SLC13A2: variants seen among roughly 807,000 people sequenced by gnomAD.
SLC13A2 encodes the protein Na(+)-coupled citrate transporter.
A neutral mutation model predicts 58.5 loss-of-function variants in SLC13A2; 40 were observed. That is an observed-to-expected ratio of 0.68 (90% CI 0.53 to 0.89). The LOEUF is 0.89. Ranked by LOEUF, SLC13A2 falls within the 40% of genes least tolerant of loss-of-function variation. SLC13A2 has a pLI of 0.00. For missense variants in SLC13A2, 694 were observed against 772.6 expected (o/e 0.90, Z 1.21); for synonymous variants, 341 against 331.6 (o/e 1.03, Z -0.31).
chr17:28,480,176 CA>C (rs1193449693), intron 1 of SLC13A2, among the ~76,000 whole-genome samples: 1 of 146,554 alleles, frequency 6.8e-6, no homozygotes. Flanking sequence ...AAGGGGGGGT[CA>C]AAAAAATTAG....
In SLC13A2 at chr17:28,496,615, C is replaced by T. The variant is rs782548807; in HGVS notation, c.1608+28C>T. The T allele has an allele frequency of 3.8e-6, 6 of 1,597,056 alleles. No homozygotes were observed. The highest frequency in any genetic ancestry group is 1.7e-5 in the Admixed American group (1 of 58,904). ...AAGTGGCAGGGAGGCCTGAATGCCT[C>T]ATCCCTCCTTCCTGCTCTGACTTTT... On this transcript the variant is annotated intron_variant, in intron 11 of 11. Coordinates refer to ENST00000314669, the MANE Select transcript of SLC13A2 (RefSeq NM_003984.4). The surrounding 1 kb of genome is among the most constrained non-coding windows in gnomAD (Gnocchi z 4.2).
rs1555604052 is a variant in SLC13A2 at position 28,493,796 on chromosome 17, GT to G, written c.1097+9del. The G allele has an allele frequency of 6.2e-7, 1 of 1,613,874 alleles. No homozygotes were observed. Among genetic ancestry groups the G allele is most frequent in the Non-Finnish European group, 8.5e-7 (1 of 1,179,950 alleles). On this transcript the variant is annotated splice_region_variant and intron_variant, in intron 7 of 11. Transcript: ENST00000314669. Reference sequence around the variant, plus strand: ...CCAATGCCAAGGGGGAGAGGTGAGAGTTGCAGGGGTTGGGAGGAGGACACAT... The same window carrying G: ...CCAATGCCAAGGGGGAGAGGTGAGAGTGCAGGGGTTGGGAGGAGGACACAT...
At chr17:28,482,762 C>A (rs1479606249) in intron 1 of SLC13A2, among the ~76,000 whole-genome samples, 1 of 152,180 alleles carries the variant, frequency 6.6e-6, no homozygotes, top group Non-Finnish European at 1.5e-5. Context: ...TCACCCCAAC[C>A]CCCTTTGCCC....
chr17:28,473,777 T>C lies in SLC13A2; in HGVS notation c.65T>C (p.Ile22Thr). 1 of 1,614,180 alleles carries C rather than the reference T, an allele frequency of 6.2e-7. No individual in the cohort carries two copies. The highest frequency in any genetic ancestry group is 8.5e-7 in the Non-Finnish European group (1 of 1,180,016). The change falls in exon 1 of 12, where the codon ATT becomes ACT. Residue 22 changes from isoleucine to threonine, a missense_variant. By Grantham distance (89) the Ile-to-Thr change is moderately conservative. Transcript: ENST00000314669. ...TACCTGATCGTGTTCTTCGTGCCCA[T>C]TCTCCTGCTGCCTCTGCCCATCCTC... ...RSYLIVFFVPILLLPLPILVP... is the reference protein window; with the variant it reads ...RSYLIVFFVPTLLLPLPILVP...
intron 6 of SLC13A2, among the ~76,000 whole-genome samples, chr17:28,492,973 A>G (rs2069057972): frequency 6.6e-6 from 1 of 152,260 alleles, no homozygotes. Flanking sequence ...AGGTGGTAGT[A>G]GAAGAGGTCA....
At chr17:28,473,908 T>C in intron 1 of SLC13A2, 94 bp downstream of exon 1, 1 of 975,570 alleles carries the variant, frequency 1.0e-6, no homozygotes, top group Non-Finnish European at 1.6e-6. Context: ...CCAGCATAAC[T>C]TCCTCACTGC....
intron 9 of SLC13A2, among the ~76,000 whole-genome samples, 169 bp from the exon 10 acceptor site, chr17:28,495,486 G>A (rs782776904): frequency 6.6e-6 from 1 of 152,186 alleles, no homozygotes; most frequent in Non-Finnish European, 1.5e-5. Context: ...TCAAGAGCAG[G>A]AAAGGGCACC....
At chr17:28,478,917 G>A (rs1271384490) in intron 1 of SLC13A2, among the ~76,000 whole-genome samples, 3 of 152,160 alleles carry the variant, frequency 2.0e-5, no homozygotes, top group African/African-American at 7.2e-5. Context: ...CACAGCCTGG[G>A]GAGGGCTGCT....
chr17:28,481,388 G>T (rs1299331943), intron 1 of SLC13A2, among the ~76,000 whole-genome samples: 2 of 152,222 alleles, frequency 1.3e-5, no homozygotes, highest in Non-Finnish European at 2.9e-5. Flanking sequence ...GCAAAGGGTA[G>T]GAAGAGTCAC....
At chr17:28,486,791 CTTTTT>C (rs35840529) in intron 1 of SLC13A2, among the ~76,000 whole-genome samples, 3 of 131,188 alleles carry the variant, frequency 2.3e-5, no homozygotes, top group Non-Finnish European at 1.6e-5. Flanking sequence ...GCGAGTCTGA[CTTTTT>C]TTTTTTTTTT....
chr17:28,475,209 TCACA>T (rs2068650552), intron 1 of SLC13A2, among the ~76,000 whole-genome samples: 2 of 152,168 alleles, frequency 1.3e-5, no homozygotes, highest in Non-Finnish European at 2.9e-5. Context: ...CTTGCCCAGG[TCACA>T]CAGGAAATCC....
At chr17:28,495,191 G>A in intron 9 of SLC13A2, among the ~76,000 whole-genome samples, 1 of 152,202 alleles carries the variant, frequency 6.6e-6, no homozygotes, top group East Asian at 1.9e-4. Context: ...TTCTGACCCT[G>A]TGGACTGTCC....
chr17:28,473,710 A>G lies in SLC13A2; in HGVS notation c.-3A>G, dbSNP rs1555599362. The G allele has an allele frequency of 6.2e-7, 1 of 1,613,470 alleles. No individual in the cohort carries two copies. Among genetic ancestry groups the G allele is most frequent in the African/African-American group, 1.3e-5 (1 of 74,894 alleles). ...GCTGTAGCAGCCCTTGCTGCTCCACACCATGGCCACCTGCTGGCAGGCCCT... is the reference window on the plus strand; with the variant it reads ...GCTGTAGCAGCCCTTGCTGCTCCACGCCATGGCCACCTGCTGGCAGGCCCT... On this transcript the variant is annotated 5_prime_UTR_variant, in exon 1 of 12. Transcript: ENST00000314669.
chr17:28,478,281 G>A (rs1005720667), intron 1 of SLC13A2, among the ~76,000 whole-genome samples: 2 of 152,204 alleles, frequency 1.3e-5, no homozygotes, highest in South Asian at 4.1e-4. Flanking sequence ...CCTTTCTCAT[G>A]TCCGTCCAGC....
At position 28,496,539 on chromosome 17, in the gene SLC13A2, G is replaced by A. The variant is rs144798403; in HGVS notation, c.1560G>A (p.Pro520=). The A allele has an allele frequency of 2.9e-4, 470 of 1,613,318 alleles. 3 individuals are homozygous for A. The highest frequency in any genetic ancestry group is 8.1e-4 in the South Asian group (74 of 90,934). The change falls in exon 11 of 12, where the codon CCG becomes CCA. Residue 520 remains proline, a synonymous_variant. Transcript: ENST00000314669. The surrounding 1 kb of genome is among the most constrained non-coding windows in gnomAD (Gnocchi z 4.2). ...SLAFMLPVAT[P]PNAIVFSFGD... ...CCTTCATGTTGCCTGTGGCCACCCC[G>A]CCCAATGCCATCGTCTTCTCTTTCG... is the stretch of plus-strand genomic sequence containing the variant.
chr17:28,490,681 G>A lies in SLC13A2; in HGVS notation c.369-20G>A. Reference sequence around the variant, plus strand: ...TGAAGGGAAGCTGGAACAGCAGTGTGTCTGTCTGCCCATCCCTAGGCTAAT... The same window carrying A: ...TGAAGGGAAGCTGGAACAGCAGTGTATCTGTCTGCCCATCCCTAGGCTAAT... On this transcript the variant is annotated intron_variant, in intron 3 of 11. Transcript: ENST00000314669. 3.1e-6 allele frequency: 5 copies of A among 1,603,778 alleles called. No homozygotes were observed. The highest frequency in any genetic ancestry group is 4.3e-6 in the Non-Finnish European group (5 of 1,172,324).
intron 7 of SLC13A2, 60 bp from the exon 8 acceptor site, chr17:28,493,957 G>A (rs1401917246): frequency 3.2e-6 from 5 of 1,546,358 alleles, no homozygotes; most frequent in Non-Finnish European, 3.6e-6. Flanking sequence ...CCTCCACCCT[G>A]TGGCCCTGAG....
At chr17:28,487,909 T>C (rs943666576) in intron 1 of SLC13A2, among the ~76,000 whole-genome samples, 4 of 152,180 alleles carry the variant, frequency 2.6e-5, no homozygotes, top group Non-Finnish European at 5.9e-5. Flanking sequence ...GGGGCACCAT[T>C]CACACAGACT....
chr17:28,493,868 A>G, intron 7 of SLC13A2, 79 bp downstream of exon 7: 1 of 1,531,916 alleles, frequency 6.5e-7, no homozygotes, highest in Admixed American at 1.7e-5. Context: ...TAGGGCCCCC[A>G]TTGCAGAACA....
Sources: allele counts gnomAD v4.1 joint callset (sites outside exome capture counted in the v4.1 genomes callset), GRCh38; gene constraint gnomAD v4.1.1; non-coding constraint Gnocchi (gnomAD v3.1); transcripts MANE v1.5; gene names NCBI Gene and HGNC (gene_info 2026-07-23, HGNC 2026-07-21).